TTC39C: variants seen among roughly 807,000 people sequenced by gnomAD.
TTC39C encodes tetratricopeptide repeat protein 39C.
TTC39C carries 33 observed loss-of-function variants against 76.3 expected under a neutral mutation model. That is an observed-to-expected ratio of 0.43 (90% CI 0.33 to 0.58). TTC39C has a LOEUF of 0.58. Among genes scored for constraint, TTC39C ranks in the 20% least tolerant of loss-of-function variants. The pLI is 0.04. For synonymous variants in TTC39C, 254 were observed against 260.6 expected (o/e 0.97, Z 0.24); for missense variants, 595 against 701.4 (o/e 0.85, Z 1.71).
chr18:24,032,477 G>A (rs979019491), intron 1 of TTC39C, among the ~76,000 whole-genome samples: 2 of 152,058 alleles, frequency 1.3e-5, no homozygotes, highest in African/African-American at 4.8e-5. Context: ...TTCAGATTTT[G>A]GAATATTTGC....
At chr18:24,124,846 G>T (rs2085026838) in intron 9 of TTC39C, among the ~76,000 whole-genome samples, 1 of 152,166 alleles carries the variant, frequency 6.6e-6, no homozygotes, top group African/African-American at 2.4e-5. Flanking sequence ...CTAAATGCAT[G>T]TAAATCTAGT....
chr18:24,015,586 A>C (rs1226688173), intron 1 of TTC39C, among the ~76,000 whole-genome samples: 1 of 152,206 alleles, frequency 6.6e-6, no homozygotes, highest in African/African-American at 2.4e-5. Flanking sequence ...CAGGAATTTA[A>C]AAATTTCAGC....
chr18:24,129,328 T>C (rs1181042555), intron 11 of TTC39C, among the ~76,000 whole-genome samples: 1 of 152,202 alleles, frequency 6.6e-6, no homozygotes, highest in Non-Finnish European at 1.5e-5. Flanking sequence ...ACAAAAATGA[T>C]CAGACATGTC....
intron 1 of TTC39C, among the ~76,000 whole-genome samples, chr18:24,005,704 A>T (rs1170373738): frequency 6.6e-6 from 1 of 151,886 alleles, no homozygotes; most frequent in African/African-American, 2.4e-5. Flanking sequence ...AATTAAAAAT[A>T]AAAATTAGCT....
chr18:24,124,047 C>A, intron 9 of TTC39C, 104 bp downstream of exon 9: 1 of 772,674 alleles, frequency 1.3e-6, no homozygotes, highest in Non-Finnish European at 2.0e-6. Context: ...TGCCTATTTA[C>A]TTGCCACATA....
chr18:24,082,354 G>A (rs1433787114), intron 5 of TTC39C, among the ~76,000 whole-genome samples: 1 of 151,908 alleles, frequency 6.6e-6, no homozygotes, highest in South Asian at 2.1e-4. Context: ...AGTATAATTT[G>A]TGTCTGTGGT....
intron 6 of TTC39C, chr18:24,099,142 G>GTGTGTGTGTGTTTGTGTA (rs1555776039): frequency 6.9e-6 from 1 of 145,478 alleles, no homozygotes; most frequent in Non-Finnish European, 1.5e-5. Flanking sequence ...GTGTGTGTGT[G>GTGTGTGTGTGTTTGTGTA]TATGTGTGTG....
At chr18:24,057,875 C>T (rs1221491161) in intron 1 of TTC39C, among the ~76,000 whole-genome samples, 1 of 152,196 alleles carries the variant, frequency 6.6e-6, no homozygotes, top group Non-Finnish European at 1.5e-5. Context: ...GTGTTCATTG[C>T]AGCACTATTC....
Position 24,132,559 on chromosome 18 carries a change from A to C in TTC39C, c.1737A>C (p.Glu579Asp). The change falls in exon 14 of 14, where the codon GAA becomes GAC. Residue 579 changes from glutamate (E) to aspartate (D), a missense_variant. By Grantham distance (45) the Glu-to-Asp change is conservative. Coordinates refer to ENST00000317571, the MANE Select transcript of TTC39C (RefSeq NM_001135993.2). ...ATGCTGCTCTGGCCTCTCTGAGGGA[A>C]TTGGTTCCTCAGTGACAGACCCGGA... Reference protein sequence around the residue: ...RIHAALASLRELVPQ With the variant: ...RIHAALASLRDLVPQ 1 of 1,613,622 alleles carries C rather than the reference A, an allele frequency of 6.2e-7. No homozygotes were observed.
intron 1 of TTC39C, among the ~76,000 whole-genome samples, chr18:24,005,267 A>T (rs895798603): frequency 1.3e-5 from 2 of 152,222 alleles, no homozygotes; most frequent in African/African-American, 4.8e-5. Context: ...TTACAGAGTT[A>T]CTTTGAGAAT....
chr18:24,131,915 G>C lies in TTC39C; in HGVS notation c.1657G>C (p.Ala553Pro). The C allele has an allele frequency of 1.9e-6, 3 of 1,613,222 alleles. No individual in the cohort carries two copies. The highest frequency in any genetic ancestry group is 2.5e-6 in the Non-Finnish European group (3 of 1,179,682). The change falls in exon 13 of 14, where the codon GCA becomes CCA. Residue 553 changes from alanine (A) to proline (P), a missense_variant. Physicochemically the swap from Ala to Pro is conservative, Grantham distance 27. Coordinates refer to ENST00000317571, the MANE Select transcript of TTC39C (RefSeq NM_001135993.2). ...VGRGRALLLQ[A>P]KEDFSGYDFE... ...AAGAGGCAGAGCTCTACTTCTTCAA[G>C]CAAAGGTAAATATCCTGAATCTACC...
chr18:24,092,806 A>G (rs1417456565), intron 6 of TTC39C, among the ~76,000 whole-genome samples: 3 of 152,150 alleles, frequency 2.0e-5, no homozygotes, highest in African/African-American at 7.2e-5. Flanking sequence ...TATTTCAGGC[A>G]GAGCACAATG....
intron 6 of TTC39C, among the ~76,000 whole-genome samples, chr18:24,103,763 CA>C (rs2145793260): frequency 6.8e-6 from 1 of 146,876 alleles, no homozygotes; most frequent in South Asian, 2.4e-4. Flanking sequence ...TGGATGGTCA[CA>C]TCATCCTGAC....
chr18:24,116,595 A>T (rs1366533647), intron 7 of TTC39C, among the ~76,000 whole-genome samples: 1 of 152,174 alleles, frequency 6.6e-6, no homozygotes, highest in Non-Finnish European at 1.5e-5. Flanking sequence ...ATCACATCCC[A>T]TAGAATTTGA....
chr18:24,124,982 T>C (rs2085029653), intron 9 of TTC39C, among the ~76,000 whole-genome samples: 1 of 152,218 alleles, frequency 6.6e-6, no homozygotes, highest in African/African-American at 2.4e-5. Context: ...AACCTCCGCC[T>C]CCCAGGTTCA....
rs767481957 is a variant in TTC39C at position 24,132,764 on chromosome 18, T to C, written c.*190T>C. ...ACATGTAGCTGAAAAGTAATAATGA[T>C]GTTGAGGAGGATGATGATGGTAATA... On this transcript the variant is annotated 3_prime_UTR_variant, in exon 14 of 14. Coordinates refer to ENST00000317571, the MANE Select transcript of TTC39C (RefSeq NM_001135993.2). 1.5e-5 allele frequency: 7 copies of C among 477,756 alleles called. No individual in the cohort carries two copies. Among genetic ancestry groups the C allele is most frequent in the Non-Finnish European group, 2.6e-5 (7 of 272,924 alleles). The allele number at this position is 477,756 out of a possible 1,614,324, so 29.6% of individuals were successfully genotyped here. A position where few individuals can be genotyped will look rare whatever the true frequency, so the allele number is the denominator to read the frequency against.
chr18:24,000,243 C>G (rs1286767420), intron 1 of TTC39C: 1 of 152,176 alleles, frequency 6.6e-6, no homozygotes, highest in Admixed American at 6.5e-5. Context: ...TAGGGTCTTA[C>G]AGAGGTAATC....
chr18:24,104,688 TTGTGTGTGTGTGTGTGTG>T (rs10661950), intron 6 of TTC39C, among the ~76,000 whole-genome samples: 24 of 144,738 alleles, frequency 1.7e-4, no homozygotes, highest in African/African-American at 6.2e-4. Flanking sequence ...AGCAGGGTGT[TTGTGTGTGTGTGTGTGTG>T]TGTGTGTGTG....
chr18:24,020,617 C>G (rs2083507392), intron 1 of TTC39C, among the ~76,000 whole-genome samples: 1 of 152,162 alleles, frequency 6.6e-6, no homozygotes, highest in African/African-American at 2.4e-5. Context: ...CTCCCATATA[C>G]CTGAAATCGT....
Sources: allele counts gnomAD v4.1 joint callset (sites outside exome capture counted in the v4.1 genomes callset), GRCh38; gene constraint gnomAD v4.1.1; transcripts MANE v1.5; gene names NCBI Gene and HGNC (gene_info 2026-07-23, HGNC 2026-07-21).